Variants in RSPO2 observed in about 807,000 individuals in gnomAD.
RSPO2 encodes the protein R-spondin 2.
Under a neutral mutation model 30.9 loss-of-function variants are expected in RSPO2, and 14 were observed. The ratio of observed to expected loss-of-function variants is 0.45; its 90% CI spans 0.30 to 0.71. The LOEUF (loss-of-function observed/expected upper bound fraction) is 0.71. RSPO2 is among the 30% of genes least tolerant of loss of function. The pLI, the probability that RSPO2 is intolerant of heterozygous loss-of-function variation, is 0.08. For synonymous variants in RSPO2, 107 were observed against 96.4 expected (o/e 1.11, Z -0.64); for missense variants, 264 against 301.9 (o/e 0.87, Z 0.93).
chr8:107,988,392 T>G (rs546302141), intron 3 of RSPO2, among the ~76,000 whole-genome samples: 13 of 151,730 alleles, frequency 8.6e-5, no homozygotes, highest in Non-Finnish European at 2.9e-5. Context: ...CCAGAGAGAT[T>G]GTTCTCAGCA....
At position 107,952,133 on chromosome 8, in the gene RSPO2, G is replaced by A. The variant is rs139554527; in HGVS notation, c.616+5947C>T. ...TTAAGATTCTGTTCAGACCCCTGAC[G>A]CAGGAATTTCAGACACTTTAGCTCC... On this transcript the variant is annotated intron_variant, in intron 5 of 5. Transcript: ENST00000276659. Among the ~76,000 whole-genome samples the A allele has an allele frequency of 4.3e-3, 650 of 152,220 alleles. 5 individuals carry two copies. The highest frequency in any genetic ancestry group is 0.012 in the African/African-American group (480 of 41,534).
At chr8:108,008,038 C>G (rs974265151) in intron 2 of RSPO2, among the ~76,000 whole-genome samples, 2 of 152,128 alleles carry the variant, frequency 1.3e-5, no homozygotes, top group Admixed American at 6.6e-5. Context: ...TAGGCATTCA[C>G]GTATGCAGTA....
At chr8:107,905,429 A>C (rs887153899) in intron 5 of RSPO2, among the ~76,000 whole-genome samples, 1 of 152,098 alleles carries the variant, frequency 6.6e-6, no homozygotes. Flanking sequence ...AGCTGTGGAA[A>C]GTAAGCCACA....
intron 5 of RSPO2, among the ~76,000 whole-genome samples, chr8:107,945,578 A>G (rs1258769025): frequency 6.6e-6 from 1 of 151,928 alleles, no homozygotes; most frequent in Non-Finnish European, 1.5e-5. Flanking sequence ...GTATGCCCCA[A>G]TTTTTATTCT....
At chr8:108,033,393 G>A (rs773851610) in intron 2 of RSPO2, among the ~76,000 whole-genome samples, 16 of 152,144 alleles carry the variant, frequency 1.1e-4, no homozygotes, top group Non-Finnish European at 2.2e-4. Flanking sequence ...AGAATATCTA[G>A]CTGGCCTCTC....
intron 5 of RSPO2, among the ~76,000 whole-genome samples, chr8:107,936,502 T>A (rs1443471117): frequency 2.0e-5 from 3 of 152,272 alleles, no homozygotes; most frequent in African/African-American, 7.2e-5. Context: ...GATTACTGGG[T>A]CATACGGTAG....
intron 2 of RSPO2, among the ~76,000 whole-genome samples, chr8:108,051,239 T>C (rs1192832878): frequency 3.9e-5 from 6 of 152,220 alleles, no homozygotes; most frequent in African/African-American, 1.4e-4. Flanking sequence ...TGCTTATTAC[T>C]ATAAAATAAT....
chr8:107,996,868 C>T (rs1480798462), intron 2 of RSPO2: 1 of 446,608 alleles, frequency 2.2e-6, no homozygotes, highest in Non-Finnish European at 4.5e-6. Flanking sequence ...TTTACTTGAA[C>T]CTCAACAGAC....
intron 5 of RSPO2, among the ~76,000 whole-genome samples, chr8:107,930,196 C>G (rs1586553896): frequency 1.3e-5 from 2 of 152,112 alleles, no homozygotes; most frequent in African/African-American, 4.8e-5. Flanking sequence ...AATGAGGAAA[C>G]TTTTGGGTTT....
intron 2 of RSPO2, among the ~76,000 whole-genome samples, chr8:108,063,820 T>C (rs866805407): frequency 9.9e-5 from 15 of 152,032 alleles, no homozygotes; most frequent in Non-Finnish European, 7.4e-5. Context: ...GGTACTGGTA[T>C]CAAAACAGAG....
At chr8:108,013,544 C>T (rs146159745) in intron 2 of RSPO2, among the ~76,000 whole-genome samples, 3,220 of 152,270 alleles carry the variant, frequency 0.021, 131 homozygotes, top group African/African-American at 0.073. Context: ...AGAAATAACA[C>T]CACACATCTA....
intron 2 of RSPO2, among the ~76,000 whole-genome samples, chr8:108,003,904 A>G (rs1193747751): frequency 6.6e-6 from 1 of 152,162 alleles, no homozygotes; most frequent in Non-Finnish European, 1.5e-5. Flanking sequence ...TAAACAATAT[A>G]TGTACAGCAC....
intron 3 of RSPO2, among the ~76,000 whole-genome samples, chr8:107,981,722 T>C (rs1426338983): frequency 6.6e-6 from 1 of 152,114 alleles, no homozygotes; most frequent in Non-Finnish European, 1.5e-5. Flanking sequence ...AAGCAAAATG[T>C]AGCAGCTCAC....
At chr8:108,061,620 G>C (rs1368396929) in intron 2 of RSPO2, among the ~76,000 whole-genome samples, 1 of 151,876 alleles carries the variant, frequency 6.6e-6, no homozygotes, top group Non-Finnish European at 1.5e-5. Flanking sequence ...ACATTAGACA[G>C]ATCAACGAGA....
At chr8:108,000,166 C>A (rs1042923509) in intron 2 of RSPO2, among the ~76,000 whole-genome samples, 5 of 152,100 alleles carry the variant, frequency 3.3e-5, no homozygotes, top group African/African-American at 1.2e-4. Flanking sequence ...CTTGAGGGCA[C>A]AATGGACCTG....
rs117910118 is a variant in RSPO2 at position 108,036,529 on chromosome 8, T to C, written c.94+46016A>G. On this transcript the variant is annotated intron_variant, in intron 2 of 5. Transcript: ENST00000276659. ...AAGACCTGTGTGATGCCTGTGGCCATGGCGCTTTTCAATGTTAGGCTGTAG... is the reference window on the plus strand; with the variant it reads ...AAGACCTGTGTGATGCCTGTGGCCACGGCGCTTTTCAATGTTAGGCTGTAG... Among the ~76,000 whole-genome samples, 62 of 152,326 alleles carry C rather than the reference T, an allele frequency of 4.1e-4. No individual in the cohort carries two copies. The East Asian group carries it at 0.01, about 25-fold the overall frequency.
At chr8:108,036,532 C>T (rs1241460502) in intron 2 of RSPO2, among the ~76,000 whole-genome samples, 4 of 152,208 alleles carry the variant, frequency 2.6e-5, no homozygotes, top group Admixed American at 6.5e-5. Context: ...GTGGCCATGG[C>T]GCTTTTCAAT....
At chr8:108,001,870 C>T (rs779351834) in intron 2 of RSPO2, among the ~76,000 whole-genome samples, 1 of 151,978 alleles carries the variant, frequency 6.6e-6, no homozygotes, top group African/African-American at 2.4e-5. Context: ...ACATCACACA[C>T]CAGGGCCTGT....
At chr8:108,054,348 G>T (rs1259510059) in intron 2 of RSPO2, among the ~76,000 whole-genome samples, 1 of 152,128 alleles carries the variant, frequency 6.6e-6, no homozygotes, top group African/African-American at 2.4e-5. Context: ...TTCACTGGTG[G>T]CCCCATCATC....
Sources: allele counts gnomAD v4.1 joint callset (sites outside exome capture counted in the v4.1 genomes callset), GRCh38; gene constraint gnomAD v4.1.1; transcripts MANE v1.5; gene names NCBI Gene and HGNC (gene_info 2026-07-23, HGNC 2026-07-21).